The following GAS7 variants were observed in gnomAD, a reference collection of about 807,000 sequenced individuals.
GAS7 encodes growth arrest-specific protein 7.
A neutral mutation model predicts 71.1 loss-of-function variants in GAS7; 28 were observed. That is an observed-to-expected ratio of 0.39 (90% confidence interval 0.29 to 0.54). The LOEUF is 0.54. Ranked by LOEUF, GAS7 falls within the 20% of genes least tolerant of loss-of-function variation. GAS7 has a pLI of 0.62. For missense variants in GAS7, 436 were observed against 627.8 expected (o/e 0.69, Z 3.27); for synonymous variants, 258 against 245.8 (o/e 1.05, Z -0.46).
intron 1 of GAS7, among the ~76,000 whole-genome samples, chr17:10,119,177 A>C (rs559528665): frequency 1.3e-5 from 2 of 152,304 alleles, no homozygotes; most frequent in East Asian, 3.9e-4. Context: ...AGTGAATTCT[A>C]AAGAATGTCA....
At position 10,092,117 on chromosome 17, in the gene GAS7, G is replaced by C. The variant is rs139587253; in HGVS notation, c.184-72220C>G. Among the ~76,000 whole-genome samples the C allele has an allele frequency of 4.1e-3, 616 of 152,004 alleles. 7 individuals carry two copies. Among genetic ancestry groups the C allele is most frequent in the African/African-American group, 0.014 (578 of 41,434 alleles). ...TGGCCTCCTCTGAGTCCTCACACAG[G>C]CCAAGTCGGTGTCCACCTCTCTGAC... On this transcript the variant is annotated intron_variant, in intron 1 of 13. Coordinates refer to ENST00000432992, the MANE Select transcript of GAS7 (RefSeq NM_201433.2).
intron 1 of GAS7, among the ~76,000 whole-genome samples, chr17:10,156,560 C>A (rs910635078): frequency 3.9e-5 from 6 of 152,208 alleles, no homozygotes; most frequent in African/African-American, 1.4e-4. Context: ...CCTTCTCCTG[C>A]AGCTCCTGCA....
At chr17:10,154,048 T>C (rs1364957652) in intron 1 of GAS7, among the ~76,000 whole-genome samples, 2 of 152,174 alleles carry the variant, frequency 1.3e-5, no homozygotes, top group African/African-American at 4.8e-5. Context: ...TCTGGATCTA[T>C]AATTCCAAAT....
At chr17:9,984,193 T>TA (rs1003864830) in intron 2 of GAS7, among the ~76,000 whole-genome samples, 25 of 152,190 alleles carry the variant, frequency 1.6e-4, no homozygotes, top group African/African-American at 6.0e-4. Context: ...ACTTTGCTCC[T>TA]AAACTACCGT....
chr17:9,982,862 A>AAAGAAAGC (rs745418720), intron 2 of GAS7, among the ~76,000 whole-genome samples: 46 of 143,706 alleles, frequency 3.2e-4, no homozygotes, highest in Non-Finnish European at 4.1e-4. Context: ...AGAAAGAAAG[A>AAAGAAAGC]AAGAAAGCAA....
At chr17:10,027,281 T>C (rs1019852687) in intron 1 of GAS7, among the ~76,000 whole-genome samples, 11 of 152,210 alleles carry the variant, frequency 7.2e-5, no homozygotes, top group African/African-American at 2.7e-4. Context: ...CTGAGAATTA[T>C]AGTAGGAACT....
At chr17:10,091,912 T>C (rs2073586604) in intron 1 of GAS7, among the ~76,000 whole-genome samples, 1 of 151,944 alleles carries the variant, frequency 6.6e-6, no homozygotes, top group African/African-American at 2.4e-5. Flanking sequence ...CTCAAACTCC[T>C]GGGATCCATC....
chr17:10,102,367 A>G (rs2073711138), intron 1 of GAS7, among the ~76,000 whole-genome samples: 1 of 152,136 alleles, frequency 6.6e-6, no homozygotes, highest in Admixed American at 6.5e-5. Context: ...ATTTTCAAGG[A>G]GAACTAATTC....
intron 1 of GAS7, among the ~76,000 whole-genome samples, chr17:10,085,691 C>CA (rs1194345705): frequency 0.45 from 25,026 of 56,088 alleles, 4,695 homozygotes; most frequent in Non-Finnish European, 0.52. Flanking sequence ...GATTCCGTCT[C>CA]AAAAAAAAAA....
intron 1 of GAS7, among the ~76,000 whole-genome samples, chr17:10,031,425 C>T (rs1028513532): frequency 2.6e-5 from 4 of 152,144 alleles, no homozygotes; most frequent in Non-Finnish European, 5.9e-5. Flanking sequence ...ATGGAGTCTC[C>T]GGGGGGACAA....
chr17:9,973,378 C>T (rs927149931), intron 3 of GAS7, among the ~76,000 whole-genome samples: 2 of 151,952 alleles, frequency 1.3e-5, no homozygotes, highest in Non-Finnish European at 2.9e-5. Context: ...CTCAGCCTCC[C>T]GAGTAGCTGG....
chr17:9,946,637 C>T (rs531303756), intron 6 of GAS7, among the ~76,000 whole-genome samples: 56 of 152,182 alleles, frequency 3.7e-4, no homozygotes, highest in African/African-American at 1.3e-3. Context: ...GAGAAAATGG[C>T]CCCCCGCTTA....
chr17:10,190,819 T>C (rs1036943230), intron 1 of GAS7, among the ~76,000 whole-genome samples: 1 of 150,718 alleles, frequency 6.6e-6, no homozygotes, highest in Non-Finnish European at 1.5e-5. Flanking sequence ...AACGCTACTA[T>C]AGCTGATGAG....
intron 1 of GAS7, among the ~76,000 whole-genome samples, chr17:10,105,608 G>A (rs759555799): frequency 6.6e-6 from 1 of 152,038 alleles, no homozygotes; most frequent in African/African-American, 2.4e-5. Flanking sequence ...CCCTCCCTGT[G>A]GCCAGCTGCT....
chr17:10,138,088 G>A (rs1387071088), intron 1 of GAS7, among the ~76,000 whole-genome samples: 1 of 151,730 alleles, frequency 6.6e-6, no homozygotes, highest in Non-Finnish European at 1.5e-5. Context: ...TCAGCCTCCC[G>A]AGTAGCTGGG....
chr17:9,938,758 T>C (rs955749372), intron 8 of GAS7, among the ~76,000 whole-genome samples: 1 of 152,148 alleles, frequency 6.6e-6, no homozygotes, highest in Admixed American at 6.5e-5. Flanking sequence ...CCGGTAACTT[T>C]TAAGCAGTCA....
At chr17:10,093,035 T>G (rs1273461852) in intron 1 of GAS7, among the ~76,000 whole-genome samples, 1 of 152,220 alleles carries the variant, frequency 6.6e-6, no homozygotes, top group Non-Finnish European at 1.5e-5. Context: ...CCTGAATATC[T>G]GTAGGAGCCA....
intron 4 of GAS7, among the ~76,000 whole-genome samples, chr17:9,962,584 C>T (rs1276373733): frequency 6.6e-6 from 1 of 152,168 alleles, no homozygotes; most frequent in Non-Finnish European, 1.5e-5. Context: ...AGGGAGAGAA[C>T]ATTTATTTCA....
At position 9,941,097 on chromosome 17, in the gene GAS7, G is replaced by A. The variant is rs182494479; in HGVS notation, c.732-897C>T. Reference sequence around the variant, plus strand: ...CCCAAAGGGTGCGATGATGGAGAGAGGGCGGCTGACAAAGTCTGGCGGCAG... The same window carrying A: ...CCCAAAGGGTGCGATGATGGAGAGAAGGCGGCTGACAAAGTCTGGCGGCAG... On this transcript the variant is annotated intron_variant, in intron 7 of 13. Coordinates refer to ENST00000432992, the MANE Select transcript of GAS7 (RefSeq NM_201433.2). Among the ~76,000 whole-genome samples, 5 of 152,330 alleles carry A rather than the reference G, an allele frequency of 3.3e-5. 1 individual carries two copies. The highest frequency in any genetic ancestry group is 2.0e-4 in the Admixed American group (3 of 15,306).
Sources: allele counts gnomAD v4.1 joint callset (sites outside exome capture counted in the v4.1 genomes callset), GRCh38; gene constraint gnomAD v4.1.1; transcripts MANE v1.5; gene names NCBI Gene and HGNC (gene_info 2026-07-23, HGNC 2026-07-21).